Variants in ANKRD13B observed in about 807,000 individuals in gnomAD.
The protein encoded by ANKRD13B is ankyrin repeat domain-containing protein 13B.
Under a neutral mutation model 74.4 loss-of-function variants are expected in ANKRD13B, and 33 were observed. The ratio of observed to expected loss-of-function variants is 0.44; its 90% CI spans 0.34 to 0.59. The LOEUF (loss-of-function observed/expected upper bound fraction) is 0.59, where lower values mean the gene tolerates loss of function less well. Among genes scored for constraint, ANKRD13B ranks in the 20% least tolerant of loss-of-function variants. The pLI, the probability that ANKRD13B is intolerant of heterozygous loss-of-function variation, is 0.02. For synonymous variants in ANKRD13B, 341 were observed against 362.9 expected (o/e 0.94, Z 0.68); for missense variants, 676 against 877.9 (o/e 0.77, Z 2.91).
chr17:29,610,880 T>C, intron 8 of ANKRD13B, 114 bp downstream of exon 8: 1 of 1,025,718 alleles, frequency 9.7e-7, no homozygotes. Context: ...CTGGATGCTT[T>C]ATTCAGGCCG....
intron 14 of ANKRD13B, 79 bp downstream of exon 14, chr17:29,613,042 G>A: frequency 6.6e-7 from 1 of 1,523,838 alleles, no homozygotes; most frequent in Non-Finnish European, 8.8e-7. Context: ...CGGAGAACCC[G>A]CGGGGCCCTC....
rs1448931178 is a variant in ANKRD13B, at chr17:29,613,368, C to T, written c.1667C>T (p.Thr556Met). Residue 556 changes from threonine (T) to methionine (M), a missense_variant, in exon 15 of 15, where the codon ACG becomes ATG. By Grantham distance (81) the Thr-to-Met change is moderately conservative. Coordinates refer to ENST00000394859, the MANE Select transcript of ANKRD13B (RefSeq NM_152345.5). ...CCCACCCCCAGGAGCGCCCCGCCCACGCCGCAGCGCCAGCCTGCGCCCCCG... is the reference window on the plus strand; with the variant it reads ...CCCACCCCCAGGAGCGCCCCGCCCATGCCGCAGCGCCAGCCTGCGCCCCCG... The part of the protein sequence containing the change: ...GRRQDRSAPP[T>M]PQRQPAPPAS... 3 of 1,465,698 alleles carry T rather than the reference C, an allele frequency of 2.0e-6. No homozygotes were observed. Among genetic ancestry groups the T allele is most frequent in the East Asian group, 2.9e-5 (1 of 34,348 alleles). 90.8% of individuals were successfully genotyped at this position (1,465,698 alleles called of 1,614,324 possible). A position where few individuals can be genotyped will look rare whatever the true frequency, so the allele number is the denominator to read the frequency against.
rs1239931336 is a variant in ANKRD13B, at chr17:29,593,634, A to C, written c.13A>C (p.Asn5His). The part of the protein sequence containing the change: MIPA[N>H]ASARKGPEGK... Reference sequence around the variant, plus strand: ...TGAGGAGCGGGCGATGATCCCCGCCAACGCCTCCGCCAGGAAGGGGCCCGA... The same window carrying C: ...TGAGGAGCGGGCGATGATCCCCGCCCACGCCTCCGCCAGGAAGGGGCCCGA... The change falls in exon 1 of 15, where the codon AAC (asparagine) becomes CAC (histidine). Residue 5 changes from asparagine to histidine, a missense_variant. Asn to His is a moderately conservative substitution (Grantham distance 68). Coordinates refer to ENST00000394859, the MANE Select transcript of ANKRD13B (RefSeq NM_152345.5). 1.5e-6 allele frequency: 2 copies of C among 1,375,734 alleles called. No homozygotes were observed. The highest frequency in any genetic ancestry group is 1.9e-6 in the Non-Finnish European group (2 of 1,049,500). 85.2% of individuals were successfully genotyped at this position (1,375,734 alleles called of 1,614,324 possible). A position where few individuals can be genotyped will look rare whatever the true frequency, so the allele number is the denominator to read the frequency against.
chr17:29,609,018 A>C lies in ANKRD13B; in HGVS notation c.565+24A>C, dbSNP rs754555763. ...AGGTCAGGCAGGCAGGAAGTGGGGC[A>C]GGGTGGGGACGATGGGAGGCAGCCC... On this transcript the variant is annotated intron_variant, in intron 5 of 14. Transcript: ENST00000394859. The surrounding 1 kb of genome is among the most constrained non-coding windows in gnomAD (Gnocchi z 4.0). The C allele has an allele frequency of 6.2e-7, 1 of 1,613,846 alleles. No individual in the cohort carries two copies. The highest frequency in any genetic ancestry group is 2.2e-5 in the East Asian group (1 of 44,888).
In ANKRD13B at chr17:29,600,116, T is replaced by C. The variant is rs537579908; in HGVS notation, c.114+6381T>C. On this transcript the variant is annotated intron_variant, in intron 1 of 14. Transcript: ENST00000394859. ...TGGTCTCGATCTCCTGACCTCGTGA[T>C]CCGCCCACCTCGGCCTCCCAAAGAG... Among the ~76,000 whole-genome samples, 9 of 152,284 alleles carry C rather than the reference T, an allele frequency of 5.9e-5. No homozygotes were observed. The East Asian group carries it at 1.2e-3, about 20-fold the overall frequency.
intron 1 of ANKRD13B, among the ~76,000 whole-genome samples, chr17:29,604,823 A>C (rs1258761593): frequency 6.6e-6 from 1 of 152,164 alleles, no homozygotes; most frequent in Non-Finnish European, 1.5e-5. Flanking sequence ...GATTACAGGC[A>C]TGAGCCACTG....
At position 29,613,516 on chromosome 17, in the gene ANKRD13B, G is replaced by A. The variant is rs1015481804; in HGVS notation, c.1815G>A (p.Arg605=). The A allele has an allele frequency of 1.3e-6, 2 of 1,526,770 alleles. No homozygotes were observed. Among genetic ancestry groups the A allele is most frequent in the African/African-American group, 1.4e-5 (1 of 70,550 alleles). The allele number at this position is 1,526,770 out of a possible 1,614,324, so 94.6% of individuals were successfully genotyped here. ...ELSAQEQEER[R]RRARQEEEEL... ...CGGCGCAGGAGCAGGAGGAGAGGCGGCGGCGCGCGCGCCAGGAGGAGGAGG... is the reference window on the plus strand; with the variant it reads ...CGGCGCAGGAGCAGGAGGAGAGGCGACGGCGCGCGCGCCAGGAGGAGGAGG... Residue 605 remains arginine (R), a synonymous_variant, in exon 15 of 15, where the codon CGG becomes CGA. Coordinates refer to ENST00000394859, the MANE Select transcript of ANKRD13B (RefSeq NM_152345.5).
intron 1 of ANKRD13B, 149 bp downstream of exon 1, chr17:29,593,884 G>A: frequency 2.5e-6 from 1 of 404,480 alleles, no homozygotes; most frequent in Non-Finnish European, 4.1e-6. Context: ...CTTGTTGACC[G>A]GGAAAGGGTG....
chr17:29,612,012 G>GC lies in ANKRD13B; in HGVS notation c.1100+10dup. 1 of 1,610,596 alleles carries GC rather than the reference G, an allele frequency of 6.2e-7. No homozygotes were observed. The highest frequency in any genetic ancestry group is 8.5e-7 in the Non-Finnish European group (1 of 1,178,258). On this transcript the variant is annotated splice_region_variant and intron_variant, in intron 10 of 14. Coordinates refer to ENST00000394859, the MANE Select transcript of ANKRD13B (RefSeq NM_152345.5). This position sits in a 1 kb window ranked among gnomAD's most constrained non-coding sequence, Gnocchi z 6.1. ...CTGACCACCAAGACACAGAAGTGAG[G>GC]CCCCTGCCGGTGCTGGGAAGGTGGG...
At position 29,612,788 on chromosome 17, in the gene ANKRD13B, G is replaced by C. The variant is rs1482710768; in HGVS notation, c.1548G>C (p.Leu516=). ...TGCAATTCGCCATCCAGCAGAGCCT[G>C]CTTGAGGCGGGCAGTGAGTATGACC... ...DLLQFAIQQS[L]LEAGSEYDQV... Residue 516 remains leucine (L), a synonymous_variant, in exon 13 of 15, where the codon CTG becomes CTC. Coordinates refer to ENST00000394859, the MANE Select transcript of ANKRD13B (RefSeq NM_152345.5). The surrounding 1 kb of genome is among the most constrained non-coding windows in gnomAD (Gnocchi z 6.1). The C allele has an allele frequency of 6.2e-7, 1 of 1,603,288 alleles. No individual in the cohort carries two copies. Among genetic ancestry groups the C allele is most frequent in the South Asian group, 1.1e-5 (1 of 90,886 alleles).
intron 7 of ANKRD13B, among the ~76,000 whole-genome samples, chr17:29,610,466 C>A (rs989015658): frequency 6.6e-6 from 1 of 152,140 alleles, no homozygotes; most frequent in Non-Finnish European, 1.5e-5. Flanking sequence ...CTGATGCCTA[C>A]CTCAATGCCT....
rs2034477362 is a variant in ANKRD13B at position 29,608,779 on chromosome 17, C to G, written c.422-72C>G. Reference sequence around the variant, plus strand: ...TTCCTGGCCACACGGATCCCAAACCCCATGCCCTGAGCTGGTCCAGGCCGT... The same window carrying G: ...TTCCTGGCCACACGGATCCCAAACCGCATGCCCTGAGCTGGTCCAGGCCGT... On this transcript the variant is annotated intron_variant, in intron 4 of 14. Coordinates refer to ENST00000394859, the MANE Select transcript of ANKRD13B (RefSeq NM_152345.5). This position sits in a 1 kb window ranked among gnomAD's most constrained non-coding sequence, Gnocchi z 6.4. The G allele has an allele frequency of 6.3e-7, 1 of 1,587,822 alleles. No homozygotes were observed. Among genetic ancestry groups the G allele is most frequent in the Admixed American group, 1.7e-5 (1 of 58,166 alleles).
chr17:29,598,236 A>G (rs2034029040), intron 1 of ANKRD13B, among the ~76,000 whole-genome samples: 1 of 152,240 alleles, frequency 6.6e-6, no homozygotes, highest in Admixed American at 6.5e-5. Flanking sequence ...GGCTCCCAGT[A>G]TATTGAAAAA....
chr17:29,602,826 T>C (rs547184163), intron 1 of ANKRD13B, among the ~76,000 whole-genome samples: 1 of 152,168 alleles, frequency 6.6e-6, no homozygotes, highest in African/African-American at 2.4e-5. Context: ...TTTGGAAAAA[T>C]TTTGGACGTT....
At chr17:29,595,478 G>C (rs1040655884) in intron 1 of ANKRD13B, among the ~76,000 whole-genome samples, 3 of 152,202 alleles carry the variant, frequency 2.0e-5, no homozygotes, top group Admixed American at 2.0e-4. Flanking sequence ...ACTGGAGAGA[G>C]GCAGAATGCC....
At chr17:29,596,952 C>T (rs756950321) in intron 1 of ANKRD13B, among the ~76,000 whole-genome samples, 1 of 152,146 alleles carries the variant, frequency 6.6e-6, no homozygotes, top group Non-Finnish European at 1.5e-5. Context: ...CCCCACAGCC[C>T]GTGGCCTCCT....
chr17:29,611,400 C>T lies in ANKRD13B; in HGVS notation c.905-179C>T, dbSNP rs535390004. On this transcript the variant is annotated intron_variant, in intron 8 of 14. Coordinates refer to ENST00000394859, the MANE Select transcript of ANKRD13B (RefSeq NM_152345.5). This position sits in a 1 kb window ranked among gnomAD's most constrained non-coding sequence, Gnocchi z 4.3. Reference sequence around the variant, plus strand: ...AAGCTGTGCTCACAGAGGCCCTGGCCCCTGGTCCTTGAAGCACTCAGTCCC... The same window carrying T: ...AAGCTGTGCTCACAGAGGCCCTGGCTCCTGGTCCTTGAAGCACTCAGTCCC... Among the ~76,000 whole-genome samples the T allele has an allele frequency of 8.5e-4, 130 of 152,298 alleles. No homozygotes were observed. Among genetic ancestry groups the T allele is most frequent in the Middle Eastern group, 3.4e-3 (1 of 294 alleles).
Position 29,612,668 on chromosome 17 carries a change from C to T in ANKRD13B, c.1428C>T (p.Cys476=), listed in dbSNP as rs2034634050. 11 of 1,563,024 alleles carry T rather than the reference C, an allele frequency of 7.0e-6. No individual in the cohort carries two copies. In the East Asian group the frequency reaches 2.1e-4, roughly 29 times the overall value. Residue 476 remains cysteine (C), a synonymous_variant, in exon 13 of 15, where the codon TGC becomes TGT. Coordinates refer to ENST00000394859, the MANE Select transcript of ANKRD13B (RefSeq NM_152345.5). This position sits in a 1 kb window ranked among gnomAD's most constrained non-coding sequence, Gnocchi z 6.1. Reference sequence around the variant, plus strand: ...CGCCCCCAGCCTCCTGCCGCGGCTGCGAGATCTCCCCAGCGTTGTTCGAGG... The same window carrying T: ...CGCCCCCAGCCTCCTGCCGCGGCTGTGAGATCTCCCCAGCGTTGTTCGAGG... ...SSSSTTSCRG[C]EISPALFEAP... is the part of the protein sequence containing the mutation.
chr17:29,612,838 G>A lies in ANKRD13B; in HGVS notation c.1575+23G>A, dbSNP rs988277194. 1.9e-6 allele frequency: 3 copies of A among 1,600,528 alleles called. No homozygotes were observed. The highest frequency in any genetic ancestry group is 2.5e-6 in the Non-Finnish European group (3 of 1,178,622). On this transcript the variant is annotated intron_variant, in intron 13 of 14. Coordinates refer to ENST00000394859, the MANE Select transcript of ANKRD13B (RefSeq NM_152345.5). This position sits in a 1 kb window ranked among gnomAD's most constrained non-coding sequence, Gnocchi z 6.1. The stretch of plus-strand genomic sequence containing the variant: ...CAGGTGCGTCTCCGCGGGCGCGCGG[G>A]GCCACGGGACTCCGCGCCGCCACGG...
Sources: gnomAD v4.1 joint callset for allele counts (sites outside exome capture counted in the v4.1 genomes callset) on GRCh38, gnomAD v4.1.1 for gene constraint, Gnocchi (gnomAD v3.1) non-coding constraint, MANE v1.5 for transcripts, NCBI Gene and HGNC (gene_info 2026-07-23, HGNC 2026-07-21) for gene names.